ERI1: variants seen among roughly 807,000 people sequenced by gnomAD.
ERI1 encodes 3'-5' exoribonuclease 1.
ERI1 carries 39 observed loss-of-function variants against 39.7 expected under a neutral mutation model. That is an observed-to-expected ratio of 0.98 (90% confidence interval 0.76 to 1.28). The LOEUF (loss-of-function observed/expected upper bound fraction) is 1.28, where lower values mean the gene tolerates loss of function less well. Ranked by LOEUF, ERI1 falls within the 50% of genes most tolerant of loss-of-function variation. ERI1 has a pLI of 0.00. For missense variants in ERI1, 581 were observed against 416.9 expected (o/e 1.39, Z -3.43); for synonymous variants, 204 against 149.6 (o/e 1.36, Z -2.65).
At chr8:9,025,869 C>G (rs568227611) in intron 6 of ERI1, among the ~76,000 whole-genome samples, 87 of 152,126 alleles carry the variant, frequency 5.7e-4, no homozygotes, top group African/African-American at 1.9e-3. Flanking sequence ...GGACCCAACT[C>G]TAAATATGAA....
chr8:9,089,780 G>C (rs1799647668), intron 3 of ERI1, among the ~76,000 whole-genome samples: 2 of 152,228 alleles, frequency 1.3e-5, no homozygotes, highest in Admixed American at 1.3e-4. Context: ...AGGAAAAACA[G>C]AGGGATTAGG....
downstream of ERI1, among the ~76,000 whole-genome samples, chr8:9,033,529 A>G (rs1213416633): frequency 6.6e-6 from 1 of 151,694 alleles, no homozygotes; most frequent in Non-Finnish European, 1.5e-5. Context: ...ATCAACAAAC[A>G]AGAAATGCGA....
chr8:9,051,926 AGTATGGT>A (rs1174185907), intron 3 of ERI1, among the ~76,000 whole-genome samples: 1 of 152,182 alleles, frequency 6.6e-6, no homozygotes, highest in Non-Finnish European at 1.5e-5. Flanking sequence ...TTAGAGAGTG[AGTATGGT>A]GTAAGGATTG....
At chr8:9,075,914 A>G (rs1194129195) in intron 3 of ERI1, among the ~76,000 whole-genome samples, 3 of 152,008 alleles carry the variant, frequency 2.0e-5, no homozygotes, top group African/African-American at 7.3e-5. Context: ...TTGCGATTAC[A>G]GGGGTAAGTC....
At chr8:9,011,298 G>A (rs1000030615) in intron 2 of ERI1, among the ~76,000 whole-genome samples, 2 of 152,128 alleles carry the variant, frequency 1.3e-5, no homozygotes, top group African/African-American at 4.8e-5. Context: ...AGAAAATACT[G>A]TTATATACTA....
chr8:9,075,449 C>G (rs952821354), intron 3 of ERI1, among the ~76,000 whole-genome samples: 1 of 150,976 alleles, frequency 6.6e-6, no homozygotes, highest in Non-Finnish European at 1.5e-5. Context: ...TTGAGAGCCT[C>G]CATGTAAACA....
intron 6 of ERI1, among the ~76,000 whole-genome samples, chr8:9,021,090 TA>T (rs1817838597): frequency 1.3e-5 from 2 of 152,186 alleles, no homozygotes; most frequent in South Asian, 4.1e-4. Context: ...ATCTTCCTAC[TA>T]TAGCTCTATT....
intron 3 of ERI1, among the ~76,000 whole-genome samples, chr8:9,050,132 A>G (rs1419939619): frequency 3.3e-5 from 5 of 151,600 alleles, no homozygotes; most frequent in Admixed American, 3.3e-4. Flanking sequence ...GAATATATAT[A>G]AAGCACTTTA....
Position 9,007,981 on chromosome 8 carries a change from G to T in ERI1, c.120G>T (p.Gln40His). Residue 40 changes from glutamine (Q) to histidine (H), a missense_variant, in exon 2 of 7, where the codon CAG becomes CAT. By Grantham distance (24) the Gln-to-His change is conservative. Coordinates refer to ENST00000250263, the MANE Select transcript of ERI1 (RefSeq NM_153332.4). Reference protein sequence around the residue: ...PPRPSPEETQQCKFDGQETKG... With the variant: ...PPRPSPEETQHCKFDGQETKG... ...TTTTTTTTTGGTAGGAAACTCAACA[G>T]TGTAAATTTGATGGCCAGGAGACAA... is the stretch of plus-strand genomic sequence containing the variant. The T allele has an allele frequency of 1.1e-6, 1 of 946,258 alleles. No homozygotes were observed. The highest frequency in any genetic ancestry group is 1.5e-6 in the Non-Finnish European group (1 of 656,724). The allele number at this position is 946,258 out of a possible 1,614,324, so 58.6% of individuals were successfully genotyped here. A position where few individuals can be genotyped will look rare whatever the true frequency, so the allele number is the denominator to read the frequency against.
chr8:9,046,433 G>A (rs926361120), intron 3 of ERI1, among the ~76,000 whole-genome samples: 4 of 152,160 alleles, frequency 2.6e-5, no homozygotes, highest in African/African-American at 9.7e-5. Context: ...ACTGCACACG[G>A]CCACACTCCT....
intron 3 of ERI1, among the ~76,000 whole-genome samples, chr8:9,064,782 T>C (rs1189152595): frequency 6.6e-6 from 1 of 152,134 alleles, no homozygotes; most frequent in Admixed American, 6.5e-5. Context: ...ATCCGAGTCA[T>C]GGCACCAAAT....
intron 3 of ERI1, among the ~76,000 whole-genome samples, chr8:9,077,495 T>C (rs956442790): frequency 2.8e-5 from 3 of 107,894 alleles, no homozygotes; most frequent in Non-Finnish European, 5.9e-5. Context: ...GACTGACGCT[T>C]TTATACCCCA....
At chr8:9,025,702 T>TTTGTG (rs1554519271) in intron 6 of ERI1, among the ~76,000 whole-genome samples, 35 of 147,870 alleles carry the variant, frequency 2.4e-4, no homozygotes, top group African/African-American at 7.5e-4. Flanking sequence ...TCTTTTTTTT[T>TTTGTG]TGTGTGTGTG....
At chr8:9,089,311 C>T (rs1377156220) in intron 3 of ERI1, among the ~76,000 whole-genome samples, 2 of 152,106 alleles carry the variant, frequency 1.3e-5, no homozygotes, top group African/African-American at 2.4e-5. Flanking sequence ...TGCTGTGTTG[C>T]CCAGGCTGGT....
At chr8:9,052,730 C>G (rs1047030164) in intron 3 of ERI1, among the ~76,000 whole-genome samples, 6 of 152,192 alleles carry the variant, frequency 3.9e-5, no homozygotes, top group Admixed American at 6.5e-5. Context: ...TGGTCTTTAT[C>G]CCTGACTCCT....
At chr8:9,034,363 G>T (rs757242731), downstream of ERI1, among the ~76,000 whole-genome samples, 5 of 152,138 alleles carry the variant, frequency 3.3e-5, no homozygotes, top group African/African-American at 1.2e-4. Context: ...GTTTTGTTTT[G>T]TTTTTTAACA....
At chr8:9,033,856 T>A (rs138056196), downstream of ERI1, among the ~76,000 whole-genome samples, 10 of 115,968 alleles carry the variant, frequency 8.6e-5, no homozygotes, top group Non-Finnish European at 1.5e-4. Context: ...AGAATAAACA[T>A]CTTCCTGTAT....
chr8:9,054,762 T>C (rs1798455520), intron 3 of ERI1, among the ~76,000 whole-genome samples: 1 of 152,102 alleles, frequency 6.6e-6, no homozygotes, highest in East Asian at 1.9e-4. Flanking sequence ...CCATTTCTAC[T>C]AAAAATACAA....
At chr8:9,012,140 T>A (rs1446134453) in intron 3 of ERI1, among the ~76,000 whole-genome samples, 1 of 152,194 alleles carries the variant, frequency 6.6e-6, no homozygotes, top group East Asian at 1.9e-4. Flanking sequence ...GCTTTTCAGT[T>A]GGTTTTAATA....
Sources: gnomAD v4.1 joint callset for allele counts (sites outside exome capture counted in the v4.1 genomes callset) on GRCh38, gnomAD v4.1.1 for gene constraint, MANE v1.5 for transcripts, NCBI Gene and HGNC (gene_info 2026-07-23, HGNC 2026-07-21) for gene names.